LUZP2: variants seen among roughly 807,000 people sequenced by gnomAD.
The protein encoded by LUZP2 is leucine zipper protein 2.
In LUZP2, 52 loss-of-function variants were observed where a neutral mutation model predicts 51.6. That is an observed-to-expected ratio of 1.01 (90% CI 0.81 to 1.27). The LOEUF is 1.27. LUZP2 is among the 50% of genes most tolerant of loss of function. The pLI is 0.00. For synonymous variants in LUZP2, 154 were observed against 137.3 expected (o/e 1.12, Z -0.85); for missense variants, 436 against 395.4 (o/e 1.10, Z -0.87).
At chr11:24,750,206 A>G (rs1859528503) in intron 4 of LUZP2, among the ~76,000 whole-genome samples, 1 of 152,158 alleles carries the variant, frequency 6.6e-6, no homozygotes, top group South Asian at 2.1e-4. Context: ...CCACTCTTTT[A>G]CTTAATACTG....
At chr11:24,665,783 G>C (rs978472027) in intron 1 of LUZP2, among the ~76,000 whole-genome samples, 2 of 152,076 alleles carry the variant, frequency 1.3e-5, no homozygotes, top group Non-Finnish European at 2.9e-5. Context: ...CACCGCCCCT[G>C]ACACCACGTG....
intron 9 of LUZP2, among the ~76,000 whole-genome samples, chr11:25,041,327 C>T (rs961036211): frequency 6.6e-6 from 1 of 152,044 alleles, no homozygotes; most frequent in Non-Finnish European, 1.5e-5. Flanking sequence ...AAACAATATA[C>T]TATAATAAAA....
chr11:24,655,040 G>A (rs1227096255), intron 1 of LUZP2, among the ~76,000 whole-genome samples: 1 of 152,110 alleles, frequency 6.6e-6, no homozygotes, highest in Non-Finnish European at 1.5e-5. Flanking sequence ...TGCATTGAAA[G>A]CATAGTATGT....
At chr11:24,919,803 A>T (rs567121112) in intron 7 of LUZP2, among the ~76,000 whole-genome samples, 5 of 151,104 alleles carry the variant, frequency 3.3e-5, no homozygotes, top group African/African-American at 1.2e-4. Flanking sequence ...AATTATTGCT[A>T]CCTAGTACAG....
chr11:24,616,474 CATGTGT>C (rs1565031326), intron 1 of LUZP2, among the ~76,000 whole-genome samples: 4 of 52,848 alleles, frequency 7.6e-5, no homozygotes, highest in African/African-American at 2.2e-4. Flanking sequence ...TTGGCGTGCG[CATGTGT>C]GTGTGTGTGT....
intron 1 of LUZP2, among the ~76,000 whole-genome samples, chr11:24,519,728 C>T (rs1850583822): frequency 6.6e-6 from 1 of 152,160 alleles, no homozygotes; most frequent in African/African-American, 2.4e-5. Context: ...AATTGCACTT[C>T]AGATTTTAGT....
chr11:24,840,545 T>C, intron 5 of LUZP2, among the ~76,000 whole-genome samples: 1 of 151,912 alleles, frequency 6.6e-6, no homozygotes, highest in East Asian at 1.9e-4. Context: ...GAATAATCTA[T>C]GAAGCTTGTA....
intron 5 of LUZP2, among the ~76,000 whole-genome samples, chr11:24,822,524 T>G (rs1454419786): frequency 2.0e-5 from 3 of 152,340 alleles, no homozygotes; most frequent in East Asian, 3.9e-4. Context: ...TAGTTTTTTT[T>G]ATAAGAATGT....
At position 25,003,785 on chromosome 11, in the gene LUZP2, A is replaced by G. The variant is rs538375303; in HGVS notation, c.765+20492A>G. Among the ~76,000 whole-genome samples the G allele has an allele frequency of 3.9e-5, 6 of 152,218 alleles. 1 individual carries two copies. The highest frequency in any genetic ancestry group is 3.3e-4 in the Admixed American group (5 of 15,282). Reference sequence around the variant, plus strand: ...GGTTGACTCCTTCCTCAAGTAGGGGACAACAAATGGGTAACTTGTTCCCCA... The same window carrying G: ...GGTTGACTCCTTCCTCAAGTAGGGGGCAACAAATGGGTAACTTGTTCCCCA... On this transcript the variant is annotated intron_variant, in intron 9 of 11. Transcript: ENST00000336930.
chr11:24,636,933 C>T (rs1855125766), intron 1 of LUZP2, among the ~76,000 whole-genome samples: 1 of 150,188 alleles, frequency 6.7e-6, no homozygotes, highest in Non-Finnish European at 1.5e-5. Flanking sequence ...AAAAAAGATG[C>T]TTCAATTGAA....
intron 1 of LUZP2, among the ~76,000 whole-genome samples, chr11:24,602,974 C>T (rs1359035818): frequency 6.6e-6 from 1 of 151,736 alleles, no homozygotes; most frequent in Non-Finnish European, 1.5e-5. Context: ...AAATCTTTAA[C>T]ATTGGCAGAA....
At chr11:24,605,971 C>G (rs1853903551) in intron 1 of LUZP2, among the ~76,000 whole-genome samples, 1 of 151,768 alleles carries the variant, frequency 6.6e-6, no homozygotes, top group Admixed American at 6.6e-5. Context: ...CTTTATATGT[C>G]TGACTTATCC....
chr11:24,533,584 G>C (rs768260759), intron 1 of LUZP2, among the ~76,000 whole-genome samples: 1 of 151,234 alleles, frequency 6.6e-6, no homozygotes, highest in African/African-American at 2.4e-5. Context: ...TTGTTCTCCT[G>C]ATATAAAGCA....
intron 1 of LUZP2, among the ~76,000 whole-genome samples, chr11:24,577,275 T>C (rs553812299): frequency 5.3e-5 from 8 of 152,282 alleles, no homozygotes; most frequent in Admixed American, 3.3e-4. Context: ...AAATTATGAC[T>C]TCATGAAAAC....
intron 5 of LUZP2, among the ~76,000 whole-genome samples, chr11:24,866,714 TA>T (rs1851909535): frequency 6.6e-6 from 1 of 152,176 alleles, no homozygotes; most frequent in Non-Finnish European, 1.5e-5. Context: ...ATGATAAACT[TA>T]AGAAAGTTGT....
intron 1 of LUZP2, among the ~76,000 whole-genome samples, chr11:24,561,868 T>C (rs2133773784): frequency 6.8e-6 from 1 of 146,754 alleles, no homozygotes; most frequent in Non-Finnish European, 1.5e-5. Context: ...AAGCACTAGA[T>C]GTAGAAAAAA....
At chr11:25,071,681 A>T (rs1276820365) in intron 10 of LUZP2, among the ~76,000 whole-genome samples, 2 of 151,354 alleles carry the variant, frequency 1.3e-5, no homozygotes, top group Non-Finnish European at 2.9e-5. Context: ...GGGTTGGGGG[A>T]GAGGGGAGAG....
At chr11:24,888,578 A>G (rs1021906705) in intron 5 of LUZP2, among the ~76,000 whole-genome samples, 1 of 152,176 alleles carries the variant, frequency 6.6e-6, no homozygotes, top group Non-Finnish European at 1.5e-5. Flanking sequence ...ATATTACACG[A>G]CATTTTTAGG....
intron 1 of LUZP2, among the ~76,000 whole-genome samples, chr11:24,592,728 G>A (rs955472746): frequency 2.0e-5 from 3 of 151,490 alleles, no homozygotes; most frequent in East Asian, 1.9e-4. Flanking sequence ...TGAGTATCAC[G>A]CTCTTGATTG....
Sources: gnomAD v4.1 joint callset for allele counts (sites outside exome capture counted in the v4.1 genomes callset) on GRCh38, gnomAD v4.1.1 for gene constraint, MANE v1.5 for transcripts, NCBI Gene and HGNC (gene_info 2026-07-23, HGNC 2026-07-21) for gene names.